VGLL3: variants seen among roughly 807,000 people sequenced by gnomAD.
VGLL3 encodes the protein vestigial like family member 3.
VGLL3 carries 18 observed loss-of-function variants against 29.2 expected under a neutral mutation model. That is an observed-to-expected ratio of 0.62 (90% confidence interval 0.43 to 0.91). VGLL3 has a LOEUF of 0.91. VGLL3 is among the 40% of genes least tolerant of loss of function. The pLI is 0.00. For missense variants in VGLL3, 440 were observed against 413.2 expected (o/e 1.06, Z -0.56); for synonymous variants, 180 against 151.8 (o/e 1.19, Z -1.36).
rs1704341461 is a variant in VGLL3, at chr3:86,939,244, G to T, written c.*7780C>A. ...AAATGATGGAAGTCCAATACTAATT[G>T]TTGTAGGTAGAATAATGGCTCCAAG... On this transcript the variant is annotated 3_prime_UTR_variant, in exon 4 of 4. Coordinates refer to ENST00000398399, the MANE Select transcript of VGLL3 (RefSeq NM_016206.4). 1 of 152,192 alleles carries T rather than the reference G, an allele frequency of 6.6e-6. No homozygotes were observed. The highest frequency in any genetic ancestry group is 1.5e-5 in the Non-Finnish European group (1 of 68,054). 9.4% of individuals were successfully genotyped at this position (152,192 alleles called of 1,614,324 possible).
chr3:86,962,456 C>T, intron 3 of VGLL3: 1 of 985,222 alleles, frequency 1.0e-6, no homozygotes. Flanking sequence ...AAATGGACCA[C>T]CTTACTTCAT....
At chr3:86,987,249 A>G (rs952899334) in intron 1 of VGLL3, among the ~76,000 whole-genome samples, 1 of 152,318 alleles carries the variant, frequency 6.6e-6, no homozygotes, top group South Asian at 2.1e-4. Flanking sequence ...GAATTGCAGA[A>G]CAATTTTATG....
intron 1 of VGLL3, among the ~76,000 whole-genome samples, chr3:86,988,640 CAAAAAAAAAAAA>C (rs869098443): frequency 5.8e-4 from 8 of 13,746 alleles, no homozygotes; most frequent in Non-Finnish European, 1.7e-3. Flanking sequence ...TTTACTTGAC[CAAAAAAAAAAAA>C]AAAAAAAAAA....
In VGLL3 at chr3:86,947,046, C is replaced by G. The variant is rs2106956427; in HGVS notation, c.959G>C (p.Ser320Thr). ...GTTTCAGTACCACGGTGATTCCTTA[C>G]TCTTGTCTTGATGCTGTAGACCTGG... ...FDTGLQHQDKSKESPWY is the reference protein window; with the variant it reads ...FDTGLQHQDKTKESPWY Residue 320 changes from serine (S) to threonine (T), a missense_variant, in exon 4 of 4, where the codon AGT becomes ACT. Transcript: ENST00000398399. 1.3e-6 allele frequency: 1 copy of G among 780,606 alleles called. No individual in the cohort carries two copies. The highest frequency in any genetic ancestry group is 2.3e-4 in the Middle Eastern group (1 of 4,440). The allele number at this position is 780,606 out of a possible 1,614,324, so 48.4% of individuals were successfully genotyped here.
chr3:86,950,498 T>G (rs1704594872), intron 3 of VGLL3, among the ~76,000 whole-genome samples: 1 of 152,196 alleles, frequency 6.6e-6, no homozygotes, highest in Non-Finnish European at 1.5e-5. Context: ...GTGTTCACAT[T>G]ATATGAGTTA....
chr3:86,970,366 C>T (rs1049680952), intron 2 of VGLL3, among the ~76,000 whole-genome samples: 2 of 152,002 alleles, frequency 1.3e-5, no homozygotes, highest in Admixed American at 1.3e-4. Flanking sequence ...CAGAGAGCCC[C>T]GACCCAGCTT....
At chr3:86,988,804 G>T (rs187032360) in intron 1 of VGLL3, among the ~76,000 whole-genome samples, 1 of 138,090 alleles carries the variant, frequency 7.2e-6, no homozygotes, top group East Asian at 2.2e-4. Flanking sequence ...CCAAAATATA[G>T]AAGTTGATCA....
At position 86,971,656 on chromosome 3, in the gene VGLL3, A is replaced by G. The variant is rs1433983724; in HGVS notation, c.404-2533T>C. On this transcript the variant is annotated intron_variant, in intron 2 of 3. Coordinates refer to ENST00000398399, the MANE Select transcript of VGLL3 (RefSeq NM_016206.4). Reference sequence around the variant, plus strand: ...GAATTAACAATCGTCTCTTTGCAACATATGAAAAATACTATTAATGACAAG... The same window carrying G: ...GAATTAACAATCGTCTCTTTGCAACGTATGAAAAATACTATTAATGACAAG... Among the ~76,000 whole-genome samples the G allele has an allele frequency of 4.6e-5, 7 of 152,234 alleles. No homozygotes were observed. In the South Asian group the frequency reaches 8.3e-4, roughly 18 times the overall value.
At chr3:86,958,099 G>A (rs539579217) in intron 3 of VGLL3, among the ~76,000 whole-genome samples, 11 of 152,004 alleles carry the variant, frequency 7.2e-5, no homozygotes, top group South Asian at 2.1e-4. Flanking sequence ...TTTTCAGTCA[G>A]CAATACCATA....
chr3:86,975,833 G>C (rs185090240), intron 2 of VGLL3, among the ~76,000 whole-genome samples: 1 of 152,062 alleles, frequency 6.6e-6, no homozygotes, highest in Non-Finnish European at 1.5e-5. Flanking sequence ...AGTGGGGCGC[G>C]GTGGCTCACA....
chr3:86,956,792 CAAAAAAA>C (rs55781336), intron 3 of VGLL3, among the ~76,000 whole-genome samples: 1 of 90,858 alleles, frequency 1.1e-5, no homozygotes, highest in Non-Finnish European at 2.1e-5. Flanking sequence ...CCCACCGTCC[CAAAAAAA>C]AAAAAAAAAA....
At chr3:86,980,706 A>G (rs1475162614) in intron 1 of VGLL3, among the ~76,000 whole-genome samples, 1 of 152,124 alleles carries the variant, frequency 6.6e-6, no homozygotes, top group African/African-American at 2.4e-5. Context: ...TTAAATGAAT[A>G]TTATGATTTA....
chr3:86,969,292 G>A (rs1705039605), intron 2 of VGLL3, among the ~76,000 whole-genome samples, 169 bp from the exon 3 acceptor site: 1 of 152,130 alleles, frequency 6.6e-6, no homozygotes, highest in African/African-American at 2.4e-5. Flanking sequence ...TTGGCCTCTG[G>A]GCTCGCAAGC....
At chr3:86,975,864 C>T (rs1377778627) in intron 2 of VGLL3, among the ~76,000 whole-genome samples, 1 of 152,118 alleles carries the variant, frequency 6.6e-6, no homozygotes, top group Admixed American at 6.5e-5. Flanking sequence ...TGGCTCCGAG[C>T]ACTTTGGGAG....
intron 3 of VGLL3, among the ~76,000 whole-genome samples, chr3:86,949,069 A>G (rs1360819740): frequency 6.6e-6 from 1 of 152,238 alleles, no homozygotes; most frequent in Non-Finnish European, 1.5e-5. Context: ...GAATGTCAGC[A>G]CTGCAAGTCA....
rs975561583 is a variant in VGLL3 at position 86,944,895 on chromosome 3, C to G, written c.*2129G>C. ...GTGGATGTGGATGAGGCAAATAACC[C>G]TGTCAGTCATCACACAGGGACTGTT... is the stretch of plus-strand genomic sequence containing the variant. On this transcript the variant is annotated 3_prime_UTR_variant, in exon 4 of 4. Transcript: ENST00000398399. 3 of 152,172 alleles carry G rather than the reference C, an allele frequency of 2.0e-5. No homozygotes were observed. The highest frequency in any genetic ancestry group is 7.2e-5 in the African/African-American group (3 of 41,446). The allele number at this position is 152,172 out of a possible 1,614,324, so 9.4% of individuals were successfully genotyped here. A position where few individuals can be genotyped will look rare whatever the true frequency, so the allele number is the denominator to read the frequency against.
intron 2 of VGLL3, among the ~76,000 whole-genome samples, chr3:86,975,292 A>G (rs923216519): frequency 1.3e-5 from 2 of 152,184 alleles, no homozygotes; most frequent in African/African-American, 4.8e-5. Context: ...CATTTTATTG[A>G]ACCTCTTCTT....
chr3:86,951,068 G>A (rs1704607678), intron 3 of VGLL3, among the ~76,000 whole-genome samples: 1 of 151,566 alleles, frequency 6.6e-6, no homozygotes, highest in African/African-American at 2.4e-5. Flanking sequence ...CAGGATGAGA[G>A]TAAAGGAAAT....
chr3:86,949,252 A>G (rs1447059417), intron 3 of VGLL3, among the ~76,000 whole-genome samples: 1 of 152,198 alleles, frequency 6.6e-6, no homozygotes, highest in Non-Finnish European at 1.5e-5. Flanking sequence ...AATCAGAATA[A>G]CAGAAGTCAT....
Sources: gnomAD v4.1 joint callset for allele counts (sites outside exome capture counted in the v4.1 genomes callset) on GRCh38, gnomAD v4.1.1 for gene constraint, MANE v1.5 for transcripts, NCBI Gene and HGNC (gene_info 2026-07-23, HGNC 2026-07-21) for gene names.